ANKS1B: variants seen among roughly 807,000 people sequenced by gnomAD.
ANKS1B encodes ankyrin repeat and sterile alpha motif domain containing 1B.
Under a neutral mutation model 148.3 loss-of-function variants are expected in ANKS1B, and 36 were observed. The observed-to-expected ratio is 0.24, with a 90% CI of 0.19 to 0.32. The LOEUF (loss-of-function observed/expected upper bound fraction) is 0.32, where lower values mean the gene tolerates loss of function less well. Among genes scored for constraint, ANKS1B ranks in the 10% least tolerant of loss-of-function variants. The pLI is 1.00. For synonymous variants in ANKS1B, 542 were observed against 560.8 expected, an observed-to-expected ratio of 0.97 and a Z score of 0.47; for missense variants, 1,157 against 1,542.6, an observed-to-expected ratio of 0.75 and a Z score of 4.19.
chr12:99,880,125 C>T (rs61347897), intron 1 of ANKS1B, among the ~76,000 whole-genome samples: 7,801 of 152,182 alleles, frequency 0.051, 654 homozygotes, highest in African/African-American at 0.18. Flanking sequence ...GAACAAAATG[C>T]CTGGCACACA....
At chr12:99,370,225 C>T (rs1180491856) in intron 12 of ANKS1B, among the ~76,000 whole-genome samples, 1 of 152,024 alleles carries the variant, frequency 6.6e-6, no homozygotes, top group Non-Finnish European at 1.5e-5. Flanking sequence ...GCTGTCAGTG[C>T]TAACAACAAA....
At chr12:99,163,023 A>C (rs1601296273) in intron 14 of ANKS1B, among the ~76,000 whole-genome samples, 2 of 151,732 alleles carry the variant, frequency 1.3e-5, no homozygotes, top group East Asian at 1.9e-4. Context: ...GTGCCACTGC[A>C]CTCCAGCCTG....
At chr12:99,147,964 A>C (rs1042156393) in intron 15 of ANKS1B, among the ~76,000 whole-genome samples, 7 of 152,064 alleles carry the variant, frequency 4.6e-5, no homozygotes, top group Non-Finnish European at 1.0e-4. Context: ...GAGCTGACTT[A>C]AAAGAGAGCA....
chr12:99,413,604 G>A (rs2094793102), intron 11 of ANKS1B, among the ~76,000 whole-genome samples: 1 of 152,082 alleles, frequency 6.6e-6, no homozygotes, highest in Non-Finnish European at 1.5e-5. Flanking sequence ...AACTCTTACA[G>A]TCACTACATT....
At chr12:98,867,587 G>A (rs773672337) in intron 17 of ANKS1B, among the ~76,000 whole-genome samples, 1 of 152,146 alleles carries the variant, frequency 6.6e-6, no homozygotes, top group Non-Finnish European at 1.5e-5. Context: ...TTTGTCGGGC[G>A]CAGTGGCTCA....
chr12:99,763,430 A>G (rs1601661693), intron 8 of ANKS1B, among the ~76,000 whole-genome samples: 1 of 152,312 alleles, frequency 6.6e-6, no homozygotes, highest in South Asian at 2.1e-4. Context: ...CGTAAGTGTG[A>G]GTTAAACACT....
At chr12:99,384,237 AAGAGGTCTAGTCC>A (rs1253095802) in intron 12 of ANKS1B, among the ~76,000 whole-genome samples, 4 of 152,202 alleles carry the variant, frequency 2.6e-5, no homozygotes, top group African/African-American at 9.6e-5. Flanking sequence ...GTATAGTGGG[AAGAGGTCTAGTCC>A]AGGCTCTTCC....
chr12:98,943,911 G>A (rs2099840952), intron 17 of ANKS1B, among the ~76,000 whole-genome samples: 1 of 152,160 alleles, frequency 6.6e-6, no homozygotes, highest in Non-Finnish European at 1.5e-5. Flanking sequence ...GGAGGTGTTG[G>A]GTTATTGGGG....
chr12:99,479,321 T>C (rs2096373808), intron 10 of ANKS1B, among the ~76,000 whole-genome samples: 1 of 152,112 alleles, frequency 6.6e-6, no homozygotes, highest in Non-Finnish European at 1.5e-5. Context: ...TTTAAAATTA[T>C]GTCTGCCCAA....
chr12:99,952,571 A>C (rs1430488697), intron 1 of ANKS1B, among the ~76,000 whole-genome samples: 1 of 152,186 alleles, frequency 6.6e-6, no homozygotes, highest in African/African-American at 2.4e-5. Flanking sequence ...TTCCCTCAGC[A>C]GGTGAAGGGA....
Position 99,384,724 on chromosome 12 carries a change from A to G in ANKS1B, c.1756+14907T>C, listed in dbSNP as rs190905945. On this transcript the variant is annotated intron_variant, in intron 12 of 26. Transcript: ENST00000683438. ...TAATACTTCAAGTCACAGGACAAGC[A>G]TCACTCGTTTTGTGAAACCATCTCT... Among the ~76,000 whole-genome samples the G allele has an allele frequency of 9.7e-4, 147 of 152,004 alleles. 1 individual carries two copies. The highest frequency in any genetic ancestry group is 6.8e-3 in the Middle Eastern group (2 of 294).
rs566958974 is a variant in ANKS1B, at chr12:99,745,989, G to A, written c.1128+26933C>T. On this transcript the variant is annotated intron_variant, in intron 8 of 26. Transcript: ENST00000683438. ...AGGAGTTCATGAGCCATATACGGTTGGAAAAATATGCTCTTAGATAAGCCT... is the reference window on the plus strand; with the variant it reads ...AGGAGTTCATGAGCCATATACGGTTAGAAAAATATGCTCTTAGATAAGCCT... Among the ~76,000 whole-genome samples the A allele has an allele frequency of 5.4e-4, 82 of 152,106 alleles. No individual in the cohort carries two copies. In the South Asian group the frequency reaches 0.015, roughly 27 times the overall value.
At chr12:99,470,210 A>G (rs1326138507) in intron 10 of ANKS1B, among the ~76,000 whole-genome samples, 1 of 152,072 alleles carries the variant, frequency 6.6e-6, no homozygotes, top group African/African-American at 2.4e-5. Context: ...TTATCCACAT[A>G]TATCAACATT....
chr12:99,027,572 T>C (rs2099949495), intron 17 of ANKS1B, among the ~76,000 whole-genome samples: 1 of 152,204 alleles, frequency 6.6e-6, no homozygotes, highest in African/African-American at 2.4e-5. Context: ...CTTTCTTTAA[T>C]AGAGTGAAAG....
chr12:99,571,439 A>C (rs1249431018), intron 9 of ANKS1B, among the ~76,000 whole-genome samples: 2 of 152,102 alleles, frequency 1.3e-5, no homozygotes, highest in African/African-American at 4.8e-5. Flanking sequence ...AAGAAAAAAA[A>C]AAGTAGTATC....
chr12:99,529,564 A>G (rs1376091426), intron 9 of ANKS1B, among the ~76,000 whole-genome samples: 2 of 151,048 alleles, frequency 1.3e-5, no homozygotes, highest in East Asian at 3.9e-4. Flanking sequence ...GAGGGAGGAG[A>G]ATCACTTGAA....
At chr12:99,905,297 C>T (rs2093738519) in intron 1 of ANKS1B, among the ~76,000 whole-genome samples, 1 of 152,196 alleles carries the variant, frequency 6.6e-6, no homozygotes, top group African/African-American at 2.4e-5. Context: ...ACTTCACTCA[C>T]ATCCAGAGAC....
intron 1 of ANKS1B, among the ~76,000 whole-genome samples, chr12:99,873,082 A>G (rs1479848165): frequency 6.6e-6 from 1 of 152,164 alleles, no homozygotes; most frequent in Non-Finnish European, 1.5e-5. Context: ...ACTAATACCT[A>G]CCTCATAGGG....
chr12:99,524,870 C>A lies in ANKS1B; in HGVS notation c.1273-20229G>T, dbSNP rs190836523. Among the ~76,000 whole-genome samples the A allele has an allele frequency of 1.5e-3, 232 of 152,238 alleles. 1 individual carries two copies. Among genetic ancestry groups the A allele is most frequent in the Admixed American group, 3.5e-3 (54 of 15,292 alleles). On this transcript the variant is annotated intron_variant, in intron 9 of 26. Coordinates refer to ENST00000683438, the MANE Select transcript of ANKS1B (RefSeq NM_001352186.2). The stretch of plus-strand genomic sequence containing the variant: ...TCAATTATCTCCCACAGGATCCCTC[C>A]CACAGCATAGGAATCACGGGAATTC...
Sources: allele counts gnomAD v4.1 joint callset (sites outside exome capture counted in the v4.1 genomes callset), GRCh38; gene constraint gnomAD v4.1.1; transcripts MANE v1.5; gene names NCBI Gene and HGNC (gene_info 2026-07-23, HGNC 2026-07-21).